Variants in GSDMD observed in about 807,000 individuals in gnomAD.
GSDMD encodes the protein gasdermin D.
GSDMD carries 46 observed loss-of-function variants against 46.7 expected under a neutral mutation model. The observed-to-expected ratio is 0.99, with a 90% CI of 0.78 to 1.26. The LOEUF (loss-of-function observed/expected upper bound fraction) is 1.26. GSDMD is among the 50% of genes most tolerant of loss of function. GSDMD has a pLI of 0.00. For synonymous variants in GSDMD, 307 were observed against 283.1 expected (o/e 1.08, Z -0.85); for missense variants, 649 against 638.8 (o/e 1.02, Z -0.17).
intron 1 of GSDMD, chr8:143,558,954 G>T (rs1484720562): frequency 1.8e-6 from 1 of 560,464 alleles, no homozygotes; most frequent in East Asian, 4.2e-5. Context: ...GTGGGTCCCT[G>T]GTGACACTCT....
intron 1 of GSDMD, chr8:143,558,989 G>GGTTA: frequency 1.9e-6 from 1 of 533,652 alleles, no homozygotes; most frequent in Non-Finnish European, 3.5e-6. Context: ...GTGGGTCCCT[G>GGTTA]CACCACGCTC....
intron 2 of GSDMD, 65 bp downstream of exon 2, chr8:143,559,617 G>T (rs1823400868): frequency 2.0e-6 from 3 of 1,518,632 alleles, no homozygotes; most frequent in Non-Finnish European, 2.7e-6. Context: ...GCGGGCTGGG[G>T]CCAACCATCC....
At position 143,561,846 on chromosome 8, in the gene GSDMD, C is replaced by T. The variant is rs376292499; in HGVS notation, c.823+18C>T. 26 of 1,610,132 alleles carry T rather than the reference C, an allele frequency of 1.6e-5. No individual in the cohort carries two copies. Among genetic ancestry groups the T allele is most frequent in the African/African-American group, 1.6e-4 (12 of 74,862 alleles). On this transcript the variant is annotated intron_variant, in intron 7 of 10. Coordinates refer to ENST00000262580, the MANE Select transcript of GSDMD (RefSeq NM_024736.7). Reference sequence around the variant, plus strand: ...CCTGACAGGTCAGTGCCCTCCTGACCGCCCCGGGGACCTTTGGTGGGCTCT... The same window carrying T: ...CCTGACAGGTCAGTGCCCTCCTGACTGCCCCGGGGACCTTTGGTGGGCTCT...
intron 3 of GSDMD, 83 bp downstream of exon 3, chr8:143,560,052 T>G: frequency 7.7e-7 from 1 of 1,303,076 alleles, no homozygotes; most frequent in East Asian, 2.5e-5. Flanking sequence ...ATTTAAATTA[T>G]TTTTTGAGGT....
At chr8:143,560,366 G>C in intron 3 of GSDMD, 1 of 647,516 alleles carries the variant, frequency 1.5e-6, no homozygotes. Context: ...GTGTGAACAC[G>C]GGGGCCCAGG....
chr8:143,559,165 C>T (rs551270301), intron 1 of GSDMD, 167 bp from the exon 2 acceptor site: 21 of 606,010 alleles, frequency 3.5e-5, no homozygotes, highest in African/African-American at 7.4e-5. Context: ...TGGGGAGGGC[C>T]GGGGACAGAA....
intron 7 of GSDMD, 26 bp from the exon 8 acceptor site, chr8:143,561,933 C>T (rs1329152704): frequency 1.2e-6 from 2 of 1,605,946 alleles, no homozygotes; most frequent in East Asian, 2.2e-5. Flanking sequence ...AGCACCTGGG[C>T]AGTGCCAGCC....
At chr8:143,558,144 C>T (rs180715005), upstream of GSDMD, 62 of 594,644 alleles carry the variant, frequency 1.0e-4, no homozygotes, top group African/African-American at 1.1e-3. Flanking sequence ...TCCGCCCGGG[C>T]ACAGGCTCAG....
Position 143,559,771 on chromosome 8 carries a change from C to T in GSDMD, c.218-6C>T. ...GGGCACAGCCTCAGGTCTGGCCTTG[C>T]TTTAGACGTGCAGCGTGGCAGGAGC... On this transcript the variant is annotated splice_region_variant and splice_polypyrimidine_tract_variant and intron_variant, in intron 2 of 10. Coordinates refer to ENST00000262580, the MANE Select transcript of GSDMD (RefSeq NM_024736.7). 5.7e-6 allele frequency: 9 copies of T among 1,586,400 alleles called. No homozygotes were observed. Among genetic ancestry groups the T allele is most frequent in the Non-Finnish European group, 7.7e-6 (9 of 1,166,534 alleles).
rs11551199 is a variant in GSDMD, at chr8:143,562,860, G to A, written c.1411G>A (p.Ala471Thr). 49 of 1,612,360 alleles carry A rather than the reference G, an allele frequency of 3.0e-5. No homozygotes were observed. The East Asian group carries it at 3.3e-4, about 11-fold the overall frequency. ...CCAGGGCCGCATGTGTGCACTCTACGCCTCCCTGGCACTGCTATCAGGACT... is the reference window on the plus strand; with the variant it reads ...CCAGGGCCGCATGTGTGCACTCTACACCTCCCTGGCACTGCTATCAGGACT... ...QAQGRMCALY[A>T]SLALLSGLSQ... Residue 471 changes from alanine (A) to threonine (T), a missense_variant, in exon 11 of 11, where the codon GCC becomes ACC. By Grantham distance (58) the Ala-to-Thr change is moderately conservative. Transcript: ENST00000262580.
rs757361361 is a variant in GSDMD at position 143,559,393 on chromosome 8, G to GGGGAGTT, written c.59_65dup (p.Phe22LeufsTer23). 1.9e-5 allele frequency: 31 copies of GGGGAGTT among 1,612,882 alleles called. No homozygotes were observed. In the Admixed American group the frequency reaches 3.7e-4, roughly 19 times the overall value. ...AGTGGTCCAGGAGCTGGACCATGGT[G>GGGGAGTT]GGGAGTTCATCCCTGTGACCAGCCT... On this transcript the variant is annotated frameshift_variant, in exon 2 of 11. Coordinates refer to ENST00000262580, the MANE Select transcript of GSDMD (RefSeq NM_024736.7). LOFTEE classifies it high-confidence loss of function.
chr8:143,559,393 G>A lies in GSDMD; in HGVS notation c.58G>A (p.Gly20Arg). 6.2e-7 allele frequency: 1 copy of A among 1,612,882 alleles called. No individual in the cohort carries two copies. Among genetic ancestry groups the A allele is most frequent in the Non-Finnish European group, 8.5e-7 (1 of 1,179,968 alleles). The part of the protein sequence containing the change: ...RRVVQELDHG[G>R]EFIPVTSLQS... The stretch of plus-strand genomic sequence containing the variant: ...AGTGGTCCAGGAGCTGGACCATGGT[G>A]GGGAGTTCATCCCTGTGACCAGCCT... Residue 20 changes from glycine to arginine, a missense_variant, in exon 2 of 11, where the codon GGG (glycine) becomes AGG (arginine). Physicochemically the swap from Gly to Arg is moderately radical, Grantham distance 125. Transcript: ENST00000262580.
In GSDMD at chr8:143,558,370, A is replaced by G. The variant is rs2130563178; in HGVS notation, c.-86A>G. On this transcript the variant is annotated 5_prime_UTR_variant, in exon 1 of 11. Transcript: ENST00000262580. Reference sequence around the variant, plus strand: ...TGCAGTTTCACTTTTAGCTCTGGGCACCTCCAGCTCCTGCTCGCCGGACGG... The same window carrying G: ...TGCAGTTTCACTTTTAGCTCTGGGCGCCTCCAGCTCCTGCTCGCCGGACGG... The G allele has an allele frequency of 6.6e-7, 1 of 1,521,260 alleles. No homozygotes were observed. Among genetic ancestry groups the G allele is most frequent in the South Asian group, 1.2e-5 (1 of 83,230 alleles). 94.2% of individuals were successfully genotyped at this position (1,521,260 alleles called of 1,614,324 possible). A position where few individuals can be genotyped will look rare whatever the true frequency, so the allele number is the denominator to read the frequency against.
chr8:143,560,080 G>C, intron 3 of GSDMD, 111 bp downstream of exon 3: 3 of 1,069,932 alleles, frequency 2.8e-6, no homozygotes, highest in Non-Finnish European at 4.2e-6. Context: ...TGCTATCTCG[G>C]CCAGGGTGGT....
intron 1 of GSDMD, 159 bp from the exon 2 acceptor site, chr8:143,559,173 G>A: frequency 3.3e-6 from 2 of 609,596 alleles, no homozygotes; most frequent in Non-Finnish European, 2.9e-6. Context: ...GCCGGGGACA[G>A]AAGCTTTCTG....
At position 143,562,943 on chromosome 8, in the gene GSDMD, CAG is replaced by C; in HGVS notation, c.*42_*43del. The C allele has an allele frequency of 6.2e-7, 1 of 1,609,318 alleles. No individual in the cohort carries two copies. Among genetic ancestry groups the C allele is most frequent in the Non-Finnish European group, 8.5e-7 (1 of 1,179,438 alleles). On this transcript the variant is annotated 3_prime_UTR_variant, in exon 11 of 11. Transcript: ENST00000262580. ...ATGGCCTGGCAGCTCTCCAGCAGGG[CAG>C]AGTGTTTGCCCACCAGCTGCTAGCC...
Position 143,563,018 on chromosome 8 carries a change from G to A in GSDMD, c.*114G>A, listed in dbSNP as rs1234383439. ...AGCCATGTGGCCAGTCTACCATGGG[G>A]CCCAGGAGTTGGGGAAACACAATAA... On this transcript the variant is annotated 3_prime_UTR_variant, in exon 11 of 11. Transcript: ENST00000262580. 3 of 1,280,742 alleles carry A rather than the reference G, an allele frequency of 2.3e-6. No homozygotes were observed. The highest frequency in any genetic ancestry group is 1.2e-5 in the South Asian group (1 of 81,980). The allele number at this position is 1,280,742 out of a possible 1,614,324, so 79.3% of individuals were successfully genotyped here. A position where few individuals can be genotyped will look rare whatever the true frequency, so the allele number is the denominator to read the frequency against.
chr8:143,555,143 C>T (rs921420844), upstream of GSDMD: 1 of 152,262 alleles, frequency 6.6e-6, no homozygotes, highest in African/African-American at 2.4e-5. Flanking sequence ...GGGCAGAGAC[C>T]TTGTCTTGTT....
In GSDMD at chr8:143,559,878, G is replaced by A. The variant is rs749549683; in HGVS notation, c.319G>A (p.Gly107Arg). The A allele has an allele frequency of 1.4e-5, 23 of 1,612,644 alleles. No homozygotes were observed. Among genetic ancestry groups the A allele is most frequent in the Admixed American group, 6.7e-5 (4 of 59,994 alleles). ...AAPGQAKIAG[G>R]AAVSDSSSTS... ...CCCAGGACAGGCAAAGATCGCAGGC[G>A]GGGCCGCGGTGTCTGACAGCTCCAG... Residue 107 changes from glycine to arginine, a missense_variant, in exon 3 of 11, where the codon GGG becomes AGG. Gly to Arg is a moderately radical substitution (Grantham distance 125, BLOSUM62 -2). Coordinates refer to ENST00000262580, the MANE Select transcript of GSDMD (RefSeq NM_024736.7).
Sources: gnomAD v4.1 joint callset for allele counts on GRCh38, gnomAD v4.1.1 for gene constraint, MANE v1.5 for transcripts, NCBI Gene and HGNC (gene_info 2026-07-23, HGNC 2026-07-21) for gene names.